The following PCDHA1 variants were observed in gnomAD, a reference collection of about 807,000 sequenced individuals.
PCDHA1 encodes protocadherin alpha 1.
PCDHA1 carries 42 observed loss-of-function variants against 61.3 expected under a neutral mutation model. That is an observed-to-expected ratio of 0.69 (90% CI 0.54 to 0.89). The LOEUF is 0.89. PCDHA1 is among the 40% of genes least tolerant of loss of function. The pLI is 0.00. For synonymous variants in PCDHA1, 610 were observed against 553.8 expected (o/e 1.10, Z -1.43); for missense variants, 1,256 against 1,235.3 (o/e 1.02, Z -0.25).
In PCDHA1 at chr5:140,911,791, C is replaced by G. The variant is rs567528220; in HGVS notation, c.2395-67158C>G. 3.9e-5 allele frequency among the ~76,000 whole-genome samples: 6 copies of G among 152,230 alleles called. No homozygotes were observed. The East Asian group carries it at 9.6e-4, about 24-fold the overall frequency. ...AGTACAGTCCTTAGCATTTTTGGGT[C>G]TAATCATATTAAGCAGCCTTCTCCA... On this transcript the variant is annotated intron_variant, in intron 1 of 3. Transcript: ENST00000504120.
rs2150462323 is a variant in PCDHA1 at position 140,849,996 on chromosome 5, G to C, written c.2394+61312G>C. On this transcript the variant is annotated intron_variant, in intron 1 of 3. Transcript: ENST00000504120. ...CTCGCTGGTGGAGCGGCGGTTGGGCGAGCGCTCGCTGTCGAGCTACGTGTC... is the reference window on the plus strand; with the variant it reads ...CTCGCTGGTGGAGCGGCGGTTGGGCCAGCGCTCGCTGTCGAGCTACGTGTC... The C allele has an allele frequency of 0.011, 17,121 of 1,597,124 alleles. 2,348 individuals are homozygous for C. In the African/African-American group the frequency reaches 0.2, roughly 18 times the overall value.
chr5:140,839,977 T>C (rs1329730797), intron 1 of PCDHA1, among the ~76,000 whole-genome samples: 1 of 152,062 alleles, frequency 6.6e-6, no homozygotes, highest in Non-Finnish European at 1.5e-5. Context: ...ATGACTCCTA[T>C]TGGAAAGTGG....
At chr5:140,798,013 CG>C (rs1762289043) in intron 1 of PCDHA1, among the ~76,000 whole-genome samples, 2 of 152,044 alleles carry the variant, frequency 1.3e-5, no homozygotes, top group Admixed American at 1.3e-4. Context: ...CCACCACGCC[CG>C]GCTATTTTCT....
chr5:141,009,724 T>C lies in PCDHA1; in HGVS notation c.2640T>C (p.Gly880=). ...KYGPGNPKQS[G]PGELPDKFII... The stretch of plus-strand genomic sequence containing the variant: ...GACCAGGCAACCCCAAACAATCCGG[T>C]CCCGGTGAGTTGCCCGACAAATTCA... Residue 880 remains glycine, a synonymous_variant, in exon 4 of 4, where the codon GGT becomes GGC. Transcript: ENST00000504120. 6.2e-7 allele frequency: 1 copy of C among 1,614,116 alleles called. No individual in the cohort carries two copies. Among genetic ancestry groups the C allele is most frequent in the South Asian group, 1.1e-5 (1 of 91,062 alleles).
At chr5:140,928,348 G>A in intron 1 of PCDHA1, 1 of 1,614,172 alleles carries the variant, frequency 6.2e-7, no homozygotes, top group Non-Finnish European at 8.5e-7. Context: ...TGAGCTGTTG[G>A]ATGTTATCTC....
At chr5:140,848,693 G>C in intron 1 of PCDHA1, 1 of 1,592,386 alleles carries the variant, frequency 6.3e-7, no homozygotes, top group Non-Finnish European at 8.6e-7. Context: ...TGTTCCAGTT[G>C]GATTCCAAAG....
chr5:140,968,855 A>G (rs2096275634), intron 1 of PCDHA1: 2 of 1,614,198 alleles, frequency 1.2e-6, no homozygotes, highest in Non-Finnish European at 1.7e-6. Flanking sequence ...GCATGTTAAG[A>G]GCCCTCGGAC....
chr5:140,877,361 A>G, intron 1 of PCDHA1: 6 of 1,613,976 alleles, frequency 3.7e-6, no homozygotes, highest in Non-Finnish European at 5.1e-6. Context: ...TACACTGGCG[A>G]GATCAGCACG....
chr5:140,882,382 A>G (rs782774831), intron 1 of PCDHA1: 5 of 1,614,092 alleles, frequency 3.1e-6, no homozygotes, highest in Non-Finnish European at 4.2e-6. Context: ...TCCCCGAGGA[A>G]GCAAAACACG....
intron 1 of PCDHA1, chr5:140,927,033 G>A (rs2083768533): frequency 1.2e-6 from 2 of 1,612,344 alleles, no homozygotes; most frequent in Non-Finnish European, 1.7e-6. Flanking sequence ...GGCTGCCAGC[G>A]GCCGCTATGT....
At chr5:140,879,235 A>T (rs904336289) in intron 1 of PCDHA1, among the ~76,000 whole-genome samples, 1 of 152,240 alleles carries the variant, frequency 6.6e-6, no homozygotes, top group Non-Finnish European at 1.5e-5. Context: ...CATATACAAG[A>T]GGCACTGGCA....
intron 2 of PCDHA1, among the ~76,000 whole-genome samples, chr5:140,980,631 A>G (rs1272240071): frequency 6.6e-6 from 1 of 152,222 alleles, no homozygotes; most frequent in Non-Finnish European, 1.5e-5. Flanking sequence ...TCTGTCTCAG[A>G]AGAATAAATA....
chr5:140,887,081 T>C (rs2061290342), intron 1 of PCDHA1, among the ~76,000 whole-genome samples: 1 of 152,076 alleles, frequency 6.6e-6, no homozygotes, highest in Non-Finnish European at 1.5e-5. Context: ...TCAGCTTTTG[T>C]CTGAGAAATA....
chr5:140,842,803 T>A, intron 1 of PCDHA1: 2 of 1,594,132 alleles, frequency 1.3e-6, no homozygotes, highest in Non-Finnish European at 8.6e-7. Flanking sequence ...CCTACTCGCT[T>A]GTGGAGCGGC....
At chr5:140,800,701 G>A (rs1325729256) in intron 1 of PCDHA1, among the ~76,000 whole-genome samples, 3 of 152,214 alleles carry the variant, frequency 2.0e-5, no homozygotes, top group African/African-American at 4.8e-5. Context: ...TCAGAGGATT[G>A]TGATAATTTA....
intron 1 of PCDHA1, among the ~76,000 whole-genome samples, chr5:140,970,048 G>T (rs561588022): frequency 6.6e-6 from 1 of 152,296 alleles, no homozygotes; most frequent in African/African-American, 2.4e-5. Flanking sequence ...TTGTCTGGTT[G>T]GTCCAGGGAG....
At chr5:140,988,503 GAA>G (rs2097300771) in intron 3 of PCDHA1, among the ~76,000 whole-genome samples, 1 of 152,152 alleles carries the variant, frequency 6.6e-6, no homozygotes, top group Non-Finnish European at 1.5e-5. Flanking sequence ...GAGAAGCCAT[GAA>G]GCTTACTTAA....
At chr5:140,795,830 T>C in intron 1 of PCDHA1, 2 of 1,613,818 alleles carry the variant, frequency 1.2e-6, no homozygotes, top group Non-Finnish European at 8.5e-7. Flanking sequence ...TCCTCCACTA[T>C]ACAGACTAAG....
At chr5:140,823,017 C>G in intron 1 of PCDHA1, 2 of 1,614,228 alleles carry the variant, frequency 1.2e-6, no homozygotes, top group Non-Finnish European at 1.7e-6. Context: ...CCCTGGACCG[C>G]GAGAGCGTGT....
Sources: allele counts gnomAD v4.1 joint callset (sites outside exome capture counted in the v4.1 genomes callset), GRCh38; gene constraint gnomAD v4.1.1; transcripts MANE v1.5; gene names NCBI Gene and HGNC (gene_info 2026-07-23, HGNC 2026-07-21).